The following ADAMTS2 variants were observed in gnomAD, a reference collection of about 807,000 sequenced individuals.
ADAMTS2 encodes ADAM metallopeptidase with thrombospondin type 1 motif 2, also known as A disintegrin and metalloproteinase with thrombospondin motifs 2.
ADAMTS2 carries 50 observed loss-of-function variants against 123.0 expected under a neutral mutation model. That is an observed-to-expected ratio of 0.41 (90% confidence interval 0.32 to 0.51). ADAMTS2 has a LOEUF of 0.51. Ranked by LOEUF, ADAMTS2 falls within the 20% of genes least tolerant of loss-of-function variation. The probability of loss-of-function intolerance (pLI) is 0.35; values close to 1 mark genes in which losing one functional copy is unlikely to be tolerated. For missense variants in ADAMTS2, 1,494 were observed against 1,705.2 expected, an observed-to-expected ratio of 0.88 and a Z score of 2.18; for synonymous variants, 678 against 695.4, an observed-to-expected ratio of 0.98 and a Z score of 0.39.
chr5:179,330,790 GA>G (rs1373648089), intron 2 of ADAMTS2, among the ~76,000 whole-genome samples: 1 of 152,184 alleles, frequency 6.6e-6, no homozygotes, highest in African/African-American at 2.4e-5. Context: ...ACCCCAACAG[GA>G]AAGACAGCCC....
At chr5:179,217,760 A>ATGGCGCAAG (rs1765017690) in intron 3 of ADAMTS2, among the ~76,000 whole-genome samples, 1 of 92,408 alleles carries the variant, frequency 1.1e-5, no homozygotes, top group African/African-American at 4.9e-5. Context: ...GGATGGTGTG[A>ATGGCGCAAG]GGGGGGATGG....
At chr5:179,143,405 G>C (rs2113229261) in intron 10 of ADAMTS2, among the ~76,000 whole-genome samples, 1 of 150,646 alleles carries the variant, frequency 6.6e-6, no homozygotes, top group South Asian at 2.1e-4. Flanking sequence ...TGCGCTCCAG[G>C]CTGGGTAACA....
At chr5:179,200,266 T>TTTC (rs1764531504) in intron 4 of ADAMTS2, among the ~76,000 whole-genome samples, 1 of 147,314 alleles carries the variant, frequency 6.8e-6, no homozygotes, top group Non-Finnish European at 1.5e-5. Context: ...TTTTTTTTTT[T>TTTC]GAGAGAGAAT....
At chr5:179,296,453 G>A (rs1041785530) in intron 2 of ADAMTS2, among the ~76,000 whole-genome samples, 3 of 152,056 alleles carry the variant, frequency 2.0e-5, no homozygotes, top group Admixed American at 2.0e-4. Context: ...CTTCAGCGAG[G>A]CTGGGGCCCC....
At chr5:179,251,993 T>C (rs916717924) in intron 3 of ADAMTS2, among the ~76,000 whole-genome samples, 1 of 151,758 alleles carries the variant, frequency 6.6e-6, no homozygotes, top group African/African-American at 2.4e-5. Context: ...CACTGATTTT[T>C]TTTTCTTTTT....
intron 5 of ADAMTS2, among the ~76,000 whole-genome samples, chr5:179,160,076 T>C (rs1423744533): frequency 6.6e-6 from 1 of 152,212 alleles, no homozygotes; most frequent in Non-Finnish European, 1.5e-5. Context: ...GAGATGTGCA[T>C]TCCTTGGAAG....
intron 10 of ADAMTS2, 118 bp downstream of exon 10, chr5:179,152,024 C>A: frequency 1.2e-6 from 1 of 855,924 alleles, no homozygotes; most frequent in Non-Finnish European, 1.9e-6. Flanking sequence ...GAGAGGGCAG[C>A]AGAGGTCCCC....
intron 3 of ADAMTS2, among the ~76,000 whole-genome samples, chr5:179,210,560 C>T (rs930065640): frequency 7.2e-5 from 11 of 152,344 alleles, no homozygotes; most frequent in Non-Finnish European, 1.0e-4. Context: ...CCTAGAGAGA[C>T]GGCCCAAGGC....
intron 2 of ADAMTS2, among the ~76,000 whole-genome samples, chr5:179,330,660 C>T (rs1021321011): frequency 2.6e-5 from 4 of 152,240 alleles, no homozygotes; most frequent in Admixed American, 1.3e-4. Context: ...CACTCCCAGA[C>T]GGAGCAAAGG....
intron 3 of ADAMTS2, among the ~76,000 whole-genome samples, chr5:179,208,141 C>A (rs1764757458): frequency 9.8e-6 from 1 of 101,584 alleles, no homozygotes; most frequent in Non-Finnish European, 2.7e-5. Context: ...GTGGGCAGAG[C>A]CACCCCTTGC....
rs1379970760 is a variant in ADAMTS2, at chr5:179,111,561, C to T, written c.*2306G>A. 1.3e-5 allele frequency: 2 copies of T among 152,280 alleles called. No homozygotes were observed. The highest frequency in any genetic ancestry group is 2.9e-5 in the Non-Finnish European group (2 of 68,066). 9.4% of individuals were successfully genotyped at this position (152,280 alleles called of 1,614,324 possible). On this transcript the variant is annotated 3_prime_UTR_variant, in exon 22 of 22. Transcript: ENST00000251582. ...GTCCCAGAGGGCACCTTGCTCCCTT[C>T]AGCGGAAGACAGGTGCCCAGGGAAT...
At chr5:179,330,626 G>A (rs893145194) in intron 2 of ADAMTS2, among the ~76,000 whole-genome samples, 2 of 152,170 alleles carry the variant, frequency 1.3e-5, no homozygotes, top group African/African-American at 4.8e-5. Flanking sequence ...CCAGCGCTGC[G>A]CACCCTCCAA....
intron 2 of ADAMTS2, among the ~76,000 whole-genome samples, chr5:179,297,221 G>A (rs981621269): frequency 3.9e-5 from 6 of 152,144 alleles, no homozygotes; most frequent in African/African-American, 1.2e-4. Context: ...TCATTGACTC[G>A]GGAAATGGGC....
intron 10 of ADAMTS2, among the ~76,000 whole-genome samples, chr5:179,147,703 GA>G (rs1763277177): frequency 6.6e-6 from 1 of 152,104 alleles, no homozygotes; most frequent in African/African-American, 2.4e-5. Flanking sequence ...CTACTTGTAA[GA>G]GACAGAATCA....
At chr5:179,249,604 A>G (rs1303776352) in intron 3 of ADAMTS2, among the ~76,000 whole-genome samples, 1 of 152,196 alleles carries the variant, frequency 6.6e-6, no homozygotes, top group African/African-American at 2.4e-5. Flanking sequence ...AATGATTATA[A>G]GAGAATATTA....
chr5:179,132,687 A>G lies in ADAMTS2; in HGVS notation c.2209+90T>C. On this transcript the variant is annotated intron_variant, in intron 14 of 21. Coordinates refer to ENST00000251582, the MANE Select transcript of ADAMTS2 (RefSeq NM_014244.5). This position sits in a 1 kb window ranked among gnomAD's most constrained non-coding sequence, Gnocchi z 6.1. ...CCCCAGAACAGTCATAAGCCCGGAC[A>G]GCCCCAGGATGAGTCAGGCCCTCAG... is the stretch of plus-strand genomic sequence containing the variant. 6.5e-7 allele frequency: 1 copy of G among 1,549,014 alleles called. No homozygotes were observed.
intron 3 of ADAMTS2, among the ~76,000 whole-genome samples, chr5:179,222,072 C>A (rs1765139697): frequency 6.6e-6 from 1 of 152,144 alleles, no homozygotes; most frequent in African/African-American, 2.4e-5. Context: ...GGCCATCCAA[C>A]CCTGCAGGGA....
At chr5:179,311,094 G>A in intron 2 of ADAMTS2, among the ~76,000 whole-genome samples, 1 of 147,186 alleles carries the variant, frequency 6.8e-6, no homozygotes, top group Non-Finnish European at 1.5e-5. Flanking sequence ...ACAACAACAG[G>A]AAACCATTTT....
chr5:179,159,185 A>G (rs575820779), intron 5 of ADAMTS2, among the ~76,000 whole-genome samples: 182 of 152,230 alleles, frequency 1.2e-3, no homozygotes, highest in African/African-American at 4.0e-3. Context: ...CGTCTACCCC[A>G]TTTCCAGAAG....
Sources: gnomAD v4.1 joint callset for allele counts (sites outside exome capture counted in the v4.1 genomes callset) on GRCh38, gnomAD v4.1.1 for gene constraint, Gnocchi (gnomAD v3.1) non-coding constraint, MANE v1.5 for transcripts, NCBI Gene and HGNC (gene_info 2026-07-23, HGNC 2026-07-21) for gene names.